PTPRN2: variants seen among roughly 807,000 people sequenced by gnomAD.
PTPRN2 encodes protein tyrosine phosphatase receptor type N2.
A neutral mutation model predicts 118.8 loss-of-function variants in PTPRN2; 74 were observed. The ratio of observed to expected loss-of-function variants is 0.62; its 90% CI spans 0.52 to 0.76. PTPRN2 has a LOEUF of 0.76. Ranked by LOEUF, PTPRN2 falls within the 30% of genes least tolerant of loss-of-function variation. The pLI is 0.00. For synonymous variants in PTPRN2, 641 were observed against 608.0 expected (o/e 1.05, Z -0.80); for missense variants, 1,481 against 1,394.4 (o/e 1.06, Z -0.99).
At chr7:157,915,705 A>C (rs79842811) in intron 11 of PTPRN2, among the ~76,000 whole-genome samples, 1 of 152,066 alleles carries the variant, frequency 6.6e-6, no homozygotes, top group African/African-American at 2.4e-5. Context: ...CGGTGTGGAG[A>C]AGATTCTCAG....
chr7:158,405,767 G>C (rs115046667), intron 2 of PTPRN2, among the ~76,000 whole-genome samples: 1 of 147,768 alleles, frequency 6.8e-6, no homozygotes, highest in South Asian at 2.1e-4. Flanking sequence ...TGCATACCAC[G>C]ACCACAAGTG....
At chr7:158,510,459 T>A (rs1266083739) in intron 1 of PTPRN2, among the ~76,000 whole-genome samples, 4 of 151,928 alleles carry the variant, frequency 2.6e-5, no homozygotes, top group Non-Finnish European at 4.4e-5. Flanking sequence ...TCTCTCTCTC[T>A]CTCTCTCTCT....
At chr7:158,380,196 GC>G (rs966210164) in intron 2 of PTPRN2, among the ~76,000 whole-genome samples, 2 of 151,968 alleles carry the variant, frequency 1.3e-5, no homozygotes, top group Non-Finnish European at 2.9e-5. Flanking sequence ...CTTCCCAACA[GC>G]CCCCCAAAGT....
chr7:158,352,772 T>C (rs946521484), intron 2 of PTPRN2, among the ~76,000 whole-genome samples: 1 of 152,236 alleles, frequency 6.6e-6, no homozygotes, highest in African/African-American at 2.4e-5. Context: ...AATTACCAAA[T>C]ATAGCTTTCA....
chr7:157,710,251 G>A (rs756893361), intron 12 of PTPRN2, among the ~76,000 whole-genome samples: 9 of 152,194 alleles, frequency 5.9e-5, no homozygotes, highest in Non-Finnish European at 1.0e-4. Context: ...CCAGAATAAA[G>A]AGAATCCTCA....
At chr7:158,228,480 T>G (rs1478874878) in intron 3 of PTPRN2, among the ~76,000 whole-genome samples, 1 of 152,046 alleles carries the variant, frequency 6.6e-6, no homozygotes, top group Non-Finnish European at 1.5e-5. Flanking sequence ...TGGAAATTTC[T>G]ACTAGGAGGG....
Position 157,953,514 on chromosome 7 carries a change from G to A in PTPRN2, c.1724-54777C>T, listed in dbSNP as rs192155628. 6.6e-6 allele frequency among the ~76,000 whole-genome samples: 1 copy of A among 152,306 alleles called. No homozygotes were observed. Among genetic ancestry groups the A allele is most frequent in the Non-Finnish European group, 1.5e-5 (1 of 68,018 alleles). On this transcript the variant is annotated intron_variant, in intron 11 of 22. Transcript: ENST00000389418. This position sits in a 1 kb window ranked among gnomAD's most constrained non-coding sequence, Gnocchi z 4.6. ...ACACCATGAGGCTGCTGGCACGGGT[G>A]CCTTTGCTGCCGGCTGCTGTCTGTG...
At chr7:157,723,941 T>A (rs1302819777) in intron 12 of PTPRN2, among the ~76,000 whole-genome samples, 2 of 152,234 alleles carry the variant, frequency 1.3e-5, no homozygotes, top group Admixed American at 6.5e-5. Context: ...TTAATTTATG[T>A]GGAATTTAGA....
At chr7:157,972,033 G>A (rs1802369724) in intron 11 of PTPRN2, among the ~76,000 whole-genome samples, 1 of 152,208 alleles carries the variant, frequency 6.6e-6, no homozygotes, top group Admixed American at 6.5e-5. Flanking sequence ...TACCACTTAA[G>A]GTAAATGTTC....
chr7:158,062,852 C>T (rs1262488474), intron 11 of PTPRN2, among the ~76,000 whole-genome samples: 2 of 152,208 alleles, frequency 1.3e-5, no homozygotes, highest in African/African-American at 4.8e-5. Flanking sequence ...CCTGAGCCTC[C>T]CCTTCGCCAT....
At chr7:158,181,925 C>T (rs1173054314) in intron 5 of PTPRN2, among the ~76,000 whole-genome samples, 1 of 96,012 alleles carries the variant, frequency 1.0e-5, no homozygotes, top group African/African-American at 2.9e-5. Flanking sequence ...TAGCTCTGTT[C>T]TGATCTTTGT....
chr7:157,854,115 T>A (rs766630251), intron 12 of PTPRN2, among the ~76,000 whole-genome samples: 1 of 152,254 alleles, frequency 6.6e-6, no homozygotes, highest in Non-Finnish European at 1.5e-5. Context: ...TCTGCTATGC[T>A]GTCACAGCAG....
Position 157,636,092 on chromosome 7 carries a change from C to A in PTPRN2, c.2197-14583G>T, listed in dbSNP as rs535336651. ...GAAAGATTAACAATTTCAACATTAG[C>A]TGCTAATCCCCTTTCATTTAAAACT... On this transcript the variant is annotated intron_variant, in intron 14 of 22. Coordinates refer to ENST00000389418, the MANE Select transcript of PTPRN2 (RefSeq NM_002847.5). Among the ~76,000 whole-genome samples the A allele has an allele frequency of 4.7e-4, 71 of 152,330 alleles. 1 individual carries two copies. The highest frequency in any genetic ancestry group is 1.5e-3 in the African/African-American group (63 of 41,584).
At chr7:158,117,983 T>A (rs950392912) in intron 9 of PTPRN2, among the ~76,000 whole-genome samples, 1 of 152,080 alleles carries the variant, frequency 6.6e-6, no homozygotes, top group African/African-American at 2.4e-5. Context: ...ATATAAAAAA[T>A]TAAAATCTCA....
At chr7:158,131,884 A>ACATACACACT (rs370416276) in intron 9 of PTPRN2, among the ~76,000 whole-genome samples, 2,723 of 151,452 alleles carry the variant, frequency 0.018, 69 homozygotes, top group African/African-American at 0.055. Context: ...CATCTACCTG[A>ACATACACACT]CATACACACA....
chr7:158,263,222 C>T (rs759589728), intron 3 of PTPRN2, among the ~76,000 whole-genome samples: 26 of 152,228 alleles, frequency 1.7e-4, no homozygotes, highest in Non-Finnish European at 2.8e-4. Flanking sequence ...TGTGTGCACC[C>T]GCATGTGCCT....
chr7:157,831,901 G>C lies in PTPRN2; in HGVS notation c.1788+66772C>G, dbSNP rs1467613218. The stretch of plus-strand genomic sequence containing the variant: ...GCCATCCTTAAGCTGGGGGAGGGCA[G>C]TTATGGAGCTCCAGAGCGGGGTAAG... On this transcript the variant is annotated intron_variant, in intron 12 of 22. Coordinates refer to ENST00000389418, the MANE Select transcript of PTPRN2 (RefSeq NM_002847.5). The surrounding 1 kb of genome is among the most constrained non-coding windows in gnomAD (Gnocchi z 4.8). 6.6e-6 allele frequency among the ~76,000 whole-genome samples: 1 copy of C among 152,240 alleles called. No homozygotes were observed. Among genetic ancestry groups the C allele is most frequent in the Non-Finnish European group, 1.5e-5 (1 of 68,046 alleles).
At chr7:157,659,172 C>T (rs111494026) in intron 13 of PTPRN2, among the ~76,000 whole-genome samples, 23 of 151,824 alleles carry the variant, frequency 1.5e-4, no homozygotes, top group African/African-American at 5.1e-4. Context: ...CTCTCTGCTT[C>T]GGACTCATAG....
intron 12 of PTPRN2, among the ~76,000 whole-genome samples, chr7:157,773,966 A>C (rs1477125480): frequency 1.3e-5 from 2 of 152,252 alleles, no homozygotes; most frequent in East Asian, 3.8e-4. Flanking sequence ...TTCCAGAAAG[A>C]TGCATACAAG....
Sources: gnomAD v4.1 joint callset for allele counts (sites outside exome capture counted in the v4.1 genomes callset) on GRCh38, gnomAD v4.1.1 for gene constraint, Gnocchi (gnomAD v3.1) non-coding constraint, MANE v1.5 for transcripts, NCBI Gene and HGNC (gene_info 2026-07-23, HGNC 2026-07-21) for gene names.